Variants in APBA1 observed in about 807,000 individuals in gnomAD.
APBA1 encodes amyloid beta precursor protein binding family A member 1, also known as amyloid-beta A4 precursor protein-binding family A member 1.
A neutral mutation model predicts 86.6 loss-of-function variants in APBA1; 55 were observed. The observed-to-expected ratio is 0.64, with a 90% CI of 0.51 to 0.80. APBA1 has a LOEUF of 0.80. Among genes scored for constraint, APBA1 ranks in the 30% least tolerant of loss-of-function variants. APBA1 has a pLI of 0.00. For missense variants in APBA1, 1,090 were observed against 1,183.0 expected (o/e 0.92, Z 1.15); for synonymous variants, 511 against 493.9 (o/e 1.03, Z -0.46).
At chr9:69,591,833 G>C (rs991665547) in intron 1 of APBA1, among the ~76,000 whole-genome samples, 1 of 152,192 alleles carries the variant, frequency 6.6e-6, no homozygotes, top group Non-Finnish European at 1.5e-5. Context: ...CCATGTGATA[G>C]GTACAGTGCA....
chr9:69,595,848 C>A (rs142608812), intron 1 of APBA1, among the ~76,000 whole-genome samples: 65 of 152,232 alleles, frequency 4.3e-4, no homozygotes, highest in African/African-American at 1.5e-3. Flanking sequence ...TCAGGCACAC[C>A]GGTTTTCAAA....
chr9:69,601,898 A>T (rs1822356739), intron 1 of APBA1, among the ~76,000 whole-genome samples: 1 of 152,238 alleles, frequency 6.6e-6, no homozygotes. Context: ...AACAATGCTC[A>T]GGCTCCATGG....
chr9:69,548,598 A>G (rs1233679092), intron 1 of APBA1, among the ~76,000 whole-genome samples: 3 of 152,230 alleles, frequency 2.0e-5, no homozygotes, highest in African/African-American at 2.4e-5. Context: ...ACTGGAGGCC[A>G]TTAAAGGGTA....
intron 2 of APBA1, among the ~76,000 whole-genome samples, chr9:69,489,986 A>G (rs1357561368): frequency 6.6e-6 from 1 of 152,138 alleles, no homozygotes; most frequent in Non-Finnish European, 1.5e-5. Context: ...TATATACCCA[A>G]AGGACTATAA....
intron 1 of APBA1, among the ~76,000 whole-genome samples, chr9:69,658,332 TTCTTTCTTTC>T (rs1823678326): frequency 1.5e-5 from 2 of 137,070 alleles, no homozygotes; most frequent in Non-Finnish European, 1.6e-5. Flanking sequence ...CTTTCTTTCT[TTCTTTCTTTC>T]TTTCTTTCTT....
intron 2 of APBA1, among the ~76,000 whole-genome samples, chr9:69,486,419 CCTAT>C (rs1338058017): frequency 6.6e-6 from 1 of 152,088 alleles, no homozygotes; most frequent in African/African-American, 2.4e-5. Flanking sequence ...CATCTCAGTG[CCTAT>C]CTGTGTTCCT....
At chr9:69,485,855 C>A (rs1371254578) in intron 2 of APBA1, among the ~76,000 whole-genome samples, 2 of 152,154 alleles carry the variant, frequency 1.3e-5, no homozygotes, top group Admixed American at 6.5e-5. Flanking sequence ...GTTCCTAAAT[C>A]CCAGACAAGA....
rs1834622335 is a variant in APBA1, at chr9:69,432,582, G to A, written c.2396C>T (p.Thr799Ile). ...IEINGQSVVA[T>I]PHEKIVHILS... ...AATGTGGACGATCTTCTCGTGGGGG[G>A]TGGCCACGACGCTCTGTCCATTGAT... Residue 799 changes from threonine (T) to isoleucine (I), a missense_variant, in exon 12 of 13, where the codon ACC becomes ATC. By Grantham distance (89) the Thr-to-Ile change is moderately conservative. This residue lies in a region of APBA1 where 119 missense variants were observed against 124.8 expected (regional missense o/e 0.95). Transcript: ENST00000265381. 4 of 1,600,260 alleles carry A rather than the reference G, an allele frequency of 2.5e-6. No homozygotes were observed. The highest frequency in any genetic ancestry group is 3.4e-6 in the Non-Finnish European group (4 of 1,174,244).
Position 69,564,581 on chromosome 9 carries a change from G to T in APBA1, c.-69-47302C>A, listed in dbSNP as rs560219473. Among the ~76,000 whole-genome samples the T allele has an allele frequency of 2.6e-5, 4 of 152,222 alleles. No individual in the cohort carries two copies. In the East Asian group the frequency reaches 7.7e-4, roughly 29 times the overall value. On this transcript the variant is annotated intron_variant, in intron 1 of 12. Transcript: ENST00000265381. ...TCTAGTAAATAACTACCCAATACAT[G>T]CTCAGAAGGGGCCAGAATTTTGGGG...
intron 1 of APBA1, among the ~76,000 whole-genome samples, chr9:69,539,452 T>C (rs1329069935): frequency 1.3e-5 from 2 of 152,232 alleles, no homozygotes; most frequent in African/African-American, 4.8e-5. Flanking sequence ...GCAACTCTTG[T>C]TATTTCTACT....
At chr9:69,629,801 G>C (rs954542994) in intron 1 of APBA1, among the ~76,000 whole-genome samples, 1 of 152,240 alleles carries the variant, frequency 6.6e-6, no homozygotes, top group East Asian at 1.9e-4. Context: ...TTCTGTTTAG[G>C]GGACAAATAA....
At chr9:69,458,325 A>G (rs1835134021) in intron 5 of APBA1, 137 bp from the exon 6 acceptor site, 4 of 635,014 alleles carry the variant, frequency 6.3e-6, no homozygotes, top group Non-Finnish European at 1.0e-5. Context: ...CTGGCTTTTA[A>G]AAATCCCAGT....
chr9:69,544,469 A>C (rs1836665623), intron 1 of APBA1, among the ~76,000 whole-genome samples: 1 of 152,240 alleles, frequency 6.6e-6, no homozygotes. Flanking sequence ...AGACAGGTTC[A>C]TGATAATATA....
At chr9:69,432,845 C>T (rs762410203) in intron 11 of APBA1, among the ~76,000 whole-genome samples, 169 bp from the exon 12 acceptor site, 7 of 152,182 alleles carry the variant, frequency 4.6e-5, no homozygotes, top group Non-Finnish European at 1.0e-4. Flanking sequence ...AAATAGGTGC[C>T]GTCGGCCCAC....
intron 1 of APBA1, among the ~76,000 whole-genome samples, chr9:69,612,822 G>A (rs1822616251): frequency 6.6e-6 from 1 of 151,984 alleles, no homozygotes; most frequent in Admixed American, 6.6e-5. Context: ...TATGGATTTA[G>A]GAAGGAAGAA....
At chr9:69,532,638 T>A (rs2133908386) in intron 1 of APBA1, among the ~76,000 whole-genome samples, 1 of 152,320 alleles carries the variant, frequency 6.6e-6, no homozygotes, top group South Asian at 2.1e-4. Context: ...GCCTCATTAT[T>A]TCAGTGTGTG....
intron 1 of APBA1, among the ~76,000 whole-genome samples, chr9:69,622,791 C>A (rs999062222): frequency 6.6e-6 from 1 of 152,140 alleles, no homozygotes; most frequent in African/African-American, 2.4e-5. Context: ...TCCTGTCAAG[C>A]TAAAGATTTT....
In APBA1 at chr9:69,431,330, G is replaced by A. The variant is rs761478016; in HGVS notation, c.2511C>T (p.Ile837=). The A allele has an allele frequency of 1.2e-6, 2 of 1,610,172 alleles. No homozygotes were observed. Among genetic ancestry groups the A allele is most frequent in the South Asian group, 1.1e-5 (1 of 90,506 alleles). ...ATGCCACCGCGTGTGGCCGCGGTCAGATGTAAACAGGCTGCTCCTGGGCCG... is the reference window on the plus strand; with the variant it reads ...ATGCCACCGCGTGTGGCCGCGGTCAAATGTAAACAGGCTGCTCCTGGGCCG... ...LLTAQEQPVY[I] The change falls in exon 13 of 13, where the codon ATC becomes ATT. Residue 837 remains isoleucine (I), a synonymous_variant. Coordinates refer to ENST00000265381, the MANE Select transcript of APBA1 (RefSeq NM_001163.4).
In APBA1 at chr9:69,457,062, G is replaced by A. The variant is rs762818491; in HGVS notation, c.1593C>T (p.Ala531=). 55 of 1,613,852 alleles carry A rather than the reference G, an allele frequency of 3.4e-5. No homozygotes were observed. Among genetic ancestry groups the A allele is most frequent in the Non-Finnish European group, 4.0e-5 (47 of 1,179,860 alleles). The change falls in exon 7 of 13, where the codon GCC becomes GCT. Residue 531 remains alanine, a synonymous_variant. Coordinates refer to ENST00000265381, the MANE Select transcript of APBA1 (RefSeq NM_001163.4). ...ISTQRIKVLN[A]DTQETMMDHP... is the part of the protein sequence containing the mutation. Reference sequence around the variant, plus strand: ...GGAAGCCAGCTGATACCTGTGTGTCGGCGTTCAGCACTTTGATTCTCTGGG... The same window carrying A: ...GGAAGCCAGCTGATACCTGTGTGTCAGCGTTCAGCACTTTGATTCTCTGGG...
Sources: allele counts gnomAD v4.1 joint callset (sites outside exome capture counted in the v4.1 genomes callset), GRCh38; gene constraint gnomAD v4.1.1; regional missense constraint gnomAD v4.1.1; transcripts MANE v1.5; gene names NCBI Gene and HGNC (gene_info 2026-07-23, HGNC 2026-07-21).